Variants in RBPMS observed in about 807,000 individuals in gnomAD.
RBPMS encodes RNA binding protein, mRNA processing factor.
Under a neutral mutation model 26.8 loss-of-function variants are expected in RBPMS, and 7 were observed. The observed-to-expected ratio is 0.26, with a 90% CI of 0.15 to 0.49. The LOEUF (loss-of-function observed/expected upper bound fraction) is 0.49. RBPMS is among the 20% of genes least tolerant of loss of function. The probability of loss-of-function intolerance (pLI) is 0.98; values close to 1 mark genes in which losing one functional copy is unlikely to be tolerated. For synonymous variants in RBPMS, 96 were observed against 93.3 expected, an observed-to-expected ratio of 1.03 and a Z score of -0.17; for missense variants, 186 against 250.0, an observed-to-expected ratio of 0.74 and a Z score of 1.73.
chr8:30,431,924 C>T (rs1046489982), intron 1 of RBPMS, among the ~76,000 whole-genome samples: 5 of 151,740 alleles, frequency 3.3e-5, no homozygotes, highest in African/African-American at 1.2e-4. Context: ...AGTTGGAGAC[C>T]AGTCTGGGCA....
Position 30,570,714 on chromosome 8 carries a change from G to A in RBPMS, c.*189G>A, listed in dbSNP as rs1828215126. The A allele has an allele frequency of 6.6e-6, 1 of 152,334 alleles. No homozygotes were observed. Among genetic ancestry groups the A allele is most frequent in the Non-Finnish European group, 1.5e-5 (1 of 67,950 alleles). The allele number at this position is 152,334 out of a possible 1,614,324, so 9.4% of individuals were successfully genotyped here. A position where few individuals can be genotyped will look rare whatever the true frequency, so the allele number is the denominator to read the frequency against. Reference sequence around the variant, plus strand: ...CTATCACACATCTGTTTTTCTCGAAGAAAAAAATATAATTAATAAAAATGT... The same window carrying A: ...CTATCACACATCTGTTTTTCTCGAAAAAAAAAATATAATTAATAAAAATGT... On this transcript the variant is annotated 3_prime_UTR_variant, in exon 9 of 9. Coordinates refer to ENST00000397323, the MANE Select transcript of RBPMS (RefSeq NM_001008710.3).
chr8:30,545,291 T>C (rs1825781019), intron 6 of RBPMS: 1 of 1,200,628 alleles, frequency 8.3e-7, no homozygotes, highest in Non-Finnish European at 1.1e-6. Flanking sequence ...ACAAACTTCC[T>C]GTTTCTCCGC....
intron 5 of RBPMS, among the ~76,000 whole-genome samples, chr8:30,530,690 G>A (rs944282601): frequency 3.9e-5 from 6 of 152,106 alleles, no homozygotes; most frequent in Non-Finnish European, 8.8e-5. Flanking sequence ...TCGAACTCCC[G>A]ACCTCAGGTG....
chr8:30,531,644 G>C (rs559741050), intron 5 of RBPMS, among the ~76,000 whole-genome samples: 271 of 152,276 alleles, frequency 1.8e-3, no homozygotes, highest in South Asian at 2.9e-3. Flanking sequence ...GGGCAGGAGG[G>C]GGGAGTTATT....
At chr8:30,508,874 CTTA>C (rs1454422394) in intron 5 of RBPMS, among the ~76,000 whole-genome samples, 1 of 151,968 alleles carries the variant, frequency 6.6e-6, no homozygotes, top group African/African-American at 2.4e-5. Flanking sequence ...TGCAATATAC[CTTA>C]TTATAATAGT....
intron 1 of RBPMS, among the ~76,000 whole-genome samples, chr8:30,441,895 T>G (rs752453802): frequency 3.9e-5 from 6 of 152,210 alleles, no homozygotes; most frequent in Non-Finnish European, 7.3e-5. Context: ...ATTCAAGCGA[T>G]TCTCCTGCCT....
chr8:30,549,783 TC>T (rs1826171489), intron 6 of RBPMS, among the ~76,000 whole-genome samples: 2 of 109,640 alleles, frequency 1.8e-5, no homozygotes, highest in Admixed American at 9.3e-5. Flanking sequence ...TCTCTCTCTC[TC>T]TCTCTCTCTC....
intron 4 of RBPMS, among the ~76,000 whole-genome samples, chr8:30,486,713 C>A (rs746913786): frequency 6.6e-6 from 1 of 152,088 alleles, no homozygotes; most frequent in Non-Finnish European, 1.5e-5. Context: ...GCATCCTTTC[C>A]CTGGAGAATT....
intron 1 of RBPMS, among the ~76,000 whole-genome samples, chr8:30,421,968 GA>G (rs869194945): frequency 3.1e-5 from 3 of 98,020 alleles, no homozygotes; most frequent in Admixed American, 1.0e-4. Flanking sequence ...AAAGAAAAAA[GA>G]AAAAAAAAGC....
intron 5 of RBPMS, among the ~76,000 whole-genome samples, chr8:30,537,103 G>A (rs1035732087): frequency 1.3e-5 from 2 of 152,212 alleles, no homozygotes; most frequent in African/African-American, 4.8e-5. Context: ...CATGTGATGA[G>A]TAAGAGTAGG....
At chr8:30,562,802 G>A (rs995966832) in intron 7 of RBPMS, among the ~76,000 whole-genome samples, 26 of 152,030 alleles carry the variant, frequency 1.7e-4, no homozygotes, top group African/African-American at 6.3e-4. Context: ...AACAGAAGAC[G>A]AGCAGGAGTG....
At chr8:30,497,768 G>A (rs369280045) in intron 4 of RBPMS, among the ~76,000 whole-genome samples, 3 of 151,806 alleles carry the variant, frequency 2.0e-5, no homozygotes, top group South Asian at 2.1e-4. Context: ...GACTACAGGC[G>A]CCCGCCACCA....
At position 30,384,947 on chromosome 8, in the gene RBPMS, C is replaced by T; in HGVS notation, c.-146C>T. Reference sequence around the variant, plus strand: ...CAGCCCAACCCGAGCCCGACAGCCACTGCCCCGGCTCCAGCTCCAGCCCCA... The same window carrying T: ...CAGCCCAACCCGAGCCCGACAGCCATTGCCCCGGCTCCAGCTCCAGCCCCA... On this transcript the variant is annotated 5_prime_UTR_variant, in exon 1 of 9. Coordinates refer to ENST00000397323, the MANE Select transcript of RBPMS (RefSeq NM_001008710.3). The surrounding 1 kb of genome is among the most constrained non-coding windows in gnomAD (Gnocchi z 5.6). 1 of 474,112 alleles carries T rather than the reference C, an allele frequency of 2.1e-6. No individual in the cohort carries two copies. Among genetic ancestry groups the T allele is most frequent in the South Asian group, 6.1e-5 (1 of 16,466 alleles). 29.4% of individuals were successfully genotyped at this position (474,112 alleles called of 1,614,324 possible). A position where few individuals can be genotyped will look rare whatever the true frequency, so the allele number is the denominator to read the frequency against.
intron 1 of RBPMS, among the ~76,000 whole-genome samples, chr8:30,431,355 TTCTC>T (rs1255677257): frequency 4.6e-5 from 3 of 65,068 alleles, no homozygotes; most frequent in African/African-American, 1.9e-4. Flanking sequence ...TTTTTTTTCT[TTCTC>T]TTTCTTTCTT....
intron 3 of RBPMS, 85 bp downstream of exon 3, chr8:30,477,922 C>G: frequency 1.0e-6 from 1 of 952,784 alleles, no homozygotes; most frequent in Non-Finnish European, 1.6e-6. Flanking sequence ...TTTTTTATTC[C>G]CATTAGAATT....
At chr8:30,515,515 T>C (rs1585727295) in intron 5 of RBPMS, among the ~76,000 whole-genome samples, 1 of 152,296 alleles carries the variant, frequency 6.6e-6, no homozygotes, top group South Asian at 2.1e-4. Context: ...TAGATTTAAT[T>C]TGAAGCAGGT....
intron 8 of RBPMS, among the ~76,000 whole-genome samples, chr8:30,568,463 C>T (rs1239173959): frequency 6.6e-6 from 1 of 152,170 alleles, no homozygotes; most frequent in Non-Finnish European, 1.5e-5. Context: ...GTTCTGAGTT[C>T]CACCAAAGAC....
chr8:30,562,327 GAAA>G (rs753001749), intron 7 of RBPMS, among the ~76,000 whole-genome samples: 24 of 103,402 alleles, frequency 2.3e-4, no homozygotes, highest in African/African-American at 8.1e-4. Context: ...CAAGACTGTC[GAAA>G]AAAAAAAAAA....
At chr8:30,500,355 T>C (rs77617618) in intron 4 of RBPMS, among the ~76,000 whole-genome samples, 2 of 148,570 alleles carry the variant, frequency 1.3e-5, no homozygotes, top group Non-Finnish European at 3.0e-5. Context: ...TTTTTTTTTT[T>C]TCAGGCTAAT....
Sources: gnomAD v4.1 joint callset for allele counts (sites outside exome capture counted in the v4.1 genomes callset) on GRCh38, gnomAD v4.1.1 for gene constraint, Gnocchi (gnomAD v3.1) non-coding constraint, MANE v1.5 for transcripts, NCBI Gene and HGNC (gene_info 2026-07-23, HGNC 2026-07-21) for gene names.